KDM5B: variants seen among roughly 807,000 people sequenced by gnomAD.
KDM5B encodes lysine demethylase 5B.
In KDM5B, 144 loss-of-function variants were observed where a neutral mutation model predicts 193.4. That is an observed-to-expected ratio of 0.74 (90% CI 0.65 to 0.86). The LOEUF (loss-of-function observed/expected upper bound fraction) is 0.86, where lower values mean the gene tolerates loss of function less well. Among genes scored for constraint, KDM5B ranks in the 40% least tolerant of loss-of-function variants. The pLI is 0.00. For synonymous variants in KDM5B, 668 were observed against 682.6 expected (o/e 0.98, Z 0.33); for missense variants, 1,833 against 1,886.9 (o/e 0.97, Z 0.53).
At chr1:202,763,732 C>A (rs1302254756) in intron 6 of KDM5B, among the ~76,000 whole-genome samples, 1 of 152,108 alleles carries the variant, frequency 6.6e-6, no homozygotes, top group Non-Finnish European at 1.5e-5. Flanking sequence ...ATGTTTTTCA[C>A]AAATTACTTA....
intron 1 of KDM5B, among the ~76,000 whole-genome samples, chr1:202,793,217 T>G (rs1023014216): frequency 2.6e-5 from 4 of 152,212 alleles, no homozygotes; most frequent in Non-Finnish European, 4.4e-5. Context: ...TTCTATAAAA[T>G]GGATCTGCCT....
rs1440577869 is a variant in KDM5B at position 202,808,200 on chromosome 1, C to G, written c.106G>C (p.Glu36Gln). 1 of 1,613,020 alleles carries G rather than the reference C, an allele frequency of 6.2e-7. No homozygotes were observed. Among genetic ancestry groups the G allele is most frequent in the Non-Finnish European group, 8.5e-7 (1 of 1,179,576 alleles). Residue 36 changes from glutamate (E) to glutamine (Q), a missense_variant, in exon 1 of 27, where the codon GAA (glutamate) becomes CAA (glutamine). Coordinates refer to ENST00000367265, the MANE Select transcript of KDM5B (RefSeq NM_006618.5). ...TCCGCGAACTCTTCCCAGCTGGGTT[C>G]GAAGACCGGGCACTCGGGTGGAGGC... The part of the protein sequence containing the change: ...FLPPPECPVF[E>Q]PSWEEFADPF...
chr1:202,744,630 A>C (rs1441441882), intron 16 of KDM5B, among the ~76,000 whole-genome samples: 1 of 152,224 alleles, frequency 6.6e-6, no homozygotes, highest in Non-Finnish European at 1.5e-5. Flanking sequence ...AATGGCTATT[A>C]TTAAAAAGTC....
At chr1:202,745,622 G>T (rs1655521509) in intron 16 of KDM5B, among the ~76,000 whole-genome samples, 1 of 152,130 alleles carries the variant, frequency 6.6e-6, no homozygotes, top group African/African-American at 2.4e-5. Flanking sequence ...TTTTTGTTAA[G>T]TAAGTGATGT....
At chr1:202,743,858 A>G (rs564335136) in intron 16 of KDM5B, among the ~76,000 whole-genome samples, 1 of 152,242 alleles carries the variant, frequency 6.6e-6, no homozygotes, top group Non-Finnish European at 1.5e-5. Context: ...GGAATGAAAG[A>G]CTTAAATGTA....
chr1:202,763,905 C>T (rs1264533448), intron 6 of KDM5B, 144 bp downstream of exon 6: 1 of 563,148 alleles, frequency 1.8e-6, no homozygotes, highest in Non-Finnish European at 3.1e-6. Context: ...TCTCAAAGCC[C>T]AACCCAGTGA....
At position 202,749,061 on chromosome 1, in the gene KDM5B, A is replaced by C; in HGVS notation, c.1900T>G (p.Cys634Gly). ...ACATCAGCCTTGGAAGCCATCTTGC[A>C]GATCATCTCATCGTGGGAAAACACA... ...YCVFSHDEMI[C>G]KMASKADVLD... The change falls in exon 14 of 27, where the codon TGC becomes GGC. Residue 634 changes from cysteine (C) to glycine (G), a missense_variant. By Grantham distance (159) the Cys-to-Gly change is radical. Coordinates refer to ENST00000367265, the MANE Select transcript of KDM5B (RefSeq NM_006618.5). The C allele has an allele frequency of 6.2e-7, 1 of 1,614,190 alleles. No individual in the cohort carries two copies. The highest frequency in any genetic ancestry group is 8.5e-7 in the Non-Finnish European group (1 of 1,180,004).
chr1:202,756,519 G>A lies in KDM5B; in HGVS notation c.1198-3C>T, dbSNP rs776408438. 2 of 1,564,726 alleles carry A rather than the reference G, an allele frequency of 1.3e-6. No homozygotes were observed. The highest frequency in any genetic ancestry group is 1.2e-5 in the South Asian group (1 of 82,868). The stretch of plus-strand genomic sequence containing the variant: ...TCAACAAGCTCTGTGGGGACCATCT[G>A]GAAATACAAGGAATAGAAAAAATGA... On this transcript the variant is annotated splice_polypyrimidine_tract_variant and splice_region_variant and intron_variant, in intron 9 of 26. Transcript: ENST00000367265.
At chr1:202,799,953 T>C (rs1431979017) in intron 1 of KDM5B, among the ~76,000 whole-genome samples, 8 of 152,272 alleles carry the variant, frequency 5.3e-5, no homozygotes, top group African/African-American at 1.9e-4. Context: ...AATGACCTAA[T>C]TTTTAAATTG....
At chr1:202,784,350 T>C (rs1333970492) in intron 1 of KDM5B, among the ~76,000 whole-genome samples, 1 of 152,172 alleles carries the variant, frequency 6.6e-6, no homozygotes, top group African/African-American at 2.4e-5. Context: ...ACATTCTTGT[T>C]AGTTTACCAA....
intron 1 of KDM5B, among the ~76,000 whole-genome samples, chr1:202,783,639 A>G (rs1401042701): frequency 2.0e-5 from 3 of 152,220 alleles, no homozygotes; most frequent in Admixed American, 6.5e-5. Context: ...GCACTTCGGG[A>G]GGCCGAGGCA....
rs1423377995 is a variant in KDM5B at position 202,729,687 on chromosome 1, A to G, written c.4497+20T>C. ...TGAGTTAAGGGAAAGCACGTCCTCT[A>G]TGGCCCAAACCTCACTGACCTCATC... On this transcript the variant is annotated intron_variant, in intron 26 of 26. Transcript: ENST00000367265. The G allele has an allele frequency of 9.4e-6, 15 of 1,601,298 alleles. No individual in the cohort carries two copies. The Middle Eastern group carries it at 6.8e-4, about 72-fold the overall frequency.
In KDM5B at chr1:202,808,344, CG is replaced by C. The variant is rs1658403366; in HGVS notation, c.-40del. The C allele has an allele frequency of 1.3e-6, 2 of 1,513,526 alleles. No homozygotes were observed. Among genetic ancestry groups the C allele is most frequent in the East Asian group, 4.7e-5 (2 of 42,106 alleles). 93.8% of individuals were successfully genotyped at this position (1,513,526 alleles called of 1,614,324 possible). A position where few individuals can be genotyped will look rare whatever the true frequency, so the allele number is the denominator to read the frequency against. On this transcript the variant is annotated 5_prime_UTR_variant, in exon 1 of 27. Transcript: ENST00000367265. ...GCAAGGGCGAGGCGAAGGTGGGCTC[CG>C]GGACCGAGGCTGCGAGCTCCGCTCG...
chr1:202,797,605 T>C (rs560013860), intron 1 of KDM5B, among the ~76,000 whole-genome samples: 19 of 152,336 alleles, frequency 1.2e-4, no homozygotes, highest in East Asian at 9.6e-4. Flanking sequence ...AGTAGGATAA[T>C]TGCAAAATTA....
rs1046159760 is a variant in KDM5B, at chr1:202,749,215, C to G, written c.1822-76G>C. The G allele has an allele frequency of 3.1e-6, 4 of 1,281,360 alleles. No individual in the cohort carries two copies. In the African/African-American group the frequency reaches 5.9e-5, roughly 19 times the overall value. The allele number at this position is 1,281,360 out of a possible 1,614,324, so 79.4% of individuals were successfully genotyped here. ...CCAAACACCTCTGACCCATTATTAT[C>G]AAATTACCAAACATCACACTATGGG... On this transcript the variant is annotated intron_variant, in intron 13 of 26. Transcript: ENST00000367265.
Position 202,725,322 on chromosome 1 carries a change from A to C in KDM5B, c.*3714T>G, listed in dbSNP as rs1339196920. On this transcript the variant is annotated 3_prime_UTR_variant, in exon 27 of 27. Coordinates refer to ENST00000367265, the MANE Select transcript of KDM5B (RefSeq NM_006618.5). ...TACACTTTACAAATTGATTCTTTAC[A>C]TCTTGAAGATGGATTTACAACAGTA... 1 of 152,262 alleles carries C rather than the reference A, an allele frequency of 6.6e-6. No individual in the cohort carries two copies. The highest frequency in any genetic ancestry group is 1.5e-5 in the Non-Finnish European group (1 of 68,048). The allele number at this position is 152,262 out of a possible 1,614,324, so 9.4% of individuals were successfully genotyped here. A position where few individuals can be genotyped will look rare whatever the true frequency, so the allele number is the denominator to read the frequency against.
chr1:202,757,104 G>GC (rs1656046441), intron 9 of KDM5B, among the ~76,000 whole-genome samples: 1 of 151,838 alleles, frequency 6.6e-6, no homozygotes, highest in South Asian at 2.1e-4. Flanking sequence ...GGTGGGGGGG[G>GC]GATTAGATTC....
At chr1:202,805,231 T>TA (rs1446425713) in intron 1 of KDM5B, among the ~76,000 whole-genome samples, 2 of 152,338 alleles carry the variant, frequency 1.3e-5, no homozygotes, top group Admixed American at 1.3e-4. Context: ...ACATAGTTGA[T>TA]ATAATTTGAA....
chr1:202,768,946 T>A (rs1002970401), intron 4 of KDM5B, among the ~76,000 whole-genome samples: 1 of 151,948 alleles, frequency 6.6e-6, no homozygotes, highest in Non-Finnish European at 1.5e-5. Flanking sequence ...ACTCCTGACC[T>A]CAGGTGATCA....
Sources: allele counts gnomAD v4.1 joint callset (sites outside exome capture counted in the v4.1 genomes callset), GRCh38; gene constraint gnomAD v4.1.1; transcripts MANE v1.5; gene names NCBI Gene and HGNC (gene_info 2026-07-23, HGNC 2026-07-21).